The following ATP8B1 variants were observed in gnomAD, a reference collection of about 807,000 sequenced individuals.
ATP8B1 encodes the protein ATPase phospholipid transporting 8B1.
In ATP8B1, 80 loss-of-function variants were observed where a neutral mutation model predicts 149.9. That is an observed-to-expected ratio of 0.53 (90% CI 0.45 to 0.64). The LOEUF is 0.64. Ranked by LOEUF, ATP8B1 falls within the 30% of genes least tolerant of loss-of-function variation. The pLI is 0.00. For missense variants in ATP8B1, 1,247 were observed against 1,552.6 expected (o/e 0.80, Z 3.31); for synonymous variants, 536 against 562.8 (o/e 0.95, Z 0.67).
In ATP8B1 at chr18:57,669,359, C is replaced by T. The variant is rs1408877578; in HGVS notation, c.2056G>A (p.Ala686Thr). The T allele has an allele frequency of 6.2e-7, 1 of 1,613,586 alleles. No homozygotes were observed. Among genetic ancestry groups the T allele is most frequent in the South Asian group, 1.1e-5 (1 of 90,870 alleles). Reference protein sequence around the residue: ...ASVASTNRDEALDKVYEEIEK... With the variant: ...ASVASTNRDETLDKVYEEIEK... ...ATCTCCTCATATACTTTATCCAGAG[C>T]TTCGTCCCGGTTGGTGGAGGCCACA... The change falls in exon 18 of 28, where the codon GCT becomes ACT. Residue 686 changes from alanine to threonine, a missense_variant. Around this residue, in one of 3 missense-constraint regions of ATP8B1, gnomAD observed 853 missense variants for 1,035.7 expected, o/e 0.82. Transcript: ENST00000648908.
chr18:57,667,359 G>T, intron 19 of ATP8B1, 192 bp from the exon 20 acceptor site: 3 of 574,428 alleles, frequency 5.2e-6, no homozygotes, highest in Non-Finnish European at 9.3e-6. Context: ...CCCCCAAGTA[G>T]CTGGGACTAC....
At chr18:57,729,768 C>T (rs1299727612) in intron 2 of ATP8B1, among the ~76,000 whole-genome samples, 4 of 151,924 alleles carry the variant, frequency 2.6e-5, no homozygotes, top group Non-Finnish European at 5.9e-5. Flanking sequence ...TCTGGCTGGT[C>T]TTGAACTCCT....
chr18:57,762,338 CA>C, intron 1 of ATP8B1, among the ~76,000 whole-genome samples: 1 of 152,092 alleles, frequency 6.6e-6, no homozygotes, highest in South Asian at 2.1e-4. Flanking sequence ...AGGGTTTCAC[CA>C]TGTTGGCCAG....
At chr18:57,780,503 G>A (rs2080347272) in intron 1 of ATP8B1, among the ~76,000 whole-genome samples, 1 of 152,210 alleles carries the variant, frequency 6.6e-6, no homozygotes, top group African/African-American at 2.4e-5. Context: ...CTGGGTGAGG[G>A]GGTGTGGAGA....
intron 1 of ATP8B1, among the ~76,000 whole-genome samples, chr18:57,795,940 G>A (rs1185309076): frequency 6.6e-6 from 1 of 151,710 alleles, no homozygotes; most frequent in Non-Finnish European, 1.5e-5. Flanking sequence ...AGGCTAAGGT[G>A]GGCAGATCAC....
Position 57,765,322 on chromosome 18 carries a change from C to T in ATP8B1, c.-25-33490G>A, listed in dbSNP as rs757856266. Among the ~76,000 whole-genome samples the T allele has an allele frequency of 4.5e-4, 68 of 152,184 alleles. 1 individual carries two copies. The highest frequency in any genetic ancestry group is 5.2e-4 in the Admixed American group (8 of 15,268). ...GAGAAGAACTTCTGGAGGTGGATGGCGGTGATGGCTGCACAACCATGTGAA... is the reference window on the plus strand; with the variant it reads ...GAGAAGAACTTCTGGAGGTGGATGGTGGTGATGGCTGCACAACCATGTGAA... On this transcript the variant is annotated intron_variant, in intron 1 of 27. Transcript: ENST00000648908.
chr18:57,787,432 C>A (rs1303059597), intron 1 of ATP8B1, among the ~76,000 whole-genome samples: 1 of 135,328 alleles, frequency 7.4e-6, no homozygotes, highest in Non-Finnish European at 1.7e-5. Context: ...TAGAACACTG[C>A]GGGAGGAGCT....
At chr18:57,747,759 CA>C (rs1384847615) in intron 1 of ATP8B1, among the ~76,000 whole-genome samples, 1 of 152,190 alleles carries the variant, frequency 6.6e-6, no homozygotes, top group East Asian at 1.9e-4. Flanking sequence ...CCTCTCATTC[CA>C]TCTGAAGGTT....
rs909589485 is a variant in ATP8B1, at chr18:57,666,974, AC to A, written c.2285+117del. On this transcript the variant is annotated intron_variant, in intron 20 of 27. Transcript: ENST00000648908. ...TCTTGCCTCATTTAAACATGAGGAA[AC>A]TGCCCCAAGTGACACATCGTAACCC... 13 of 891,072 alleles carry A rather than the reference AC, an allele frequency of 1.5e-5. No individual in the cohort carries two copies. In the African/African-American group the frequency reaches 2.2e-4, roughly 15 times the overall value. 55.2% of individuals were successfully genotyped at this position (891,072 alleles called of 1,614,324 possible). A position where few individuals can be genotyped will look rare whatever the true frequency, so the allele number is the denominator to read the frequency against.
chr18:57,654,022 C>T lies in ATP8B1; in HGVS notation c.2985G>A (p.Leu995=). 6.2e-7 allele frequency: 1 copy of T among 1,614,062 alleles called. No individual in the cohort carries two copies. The highest frequency in any genetic ancestry group is 8.5e-7 in the Non-Finnish European group (1 of 1,179,996). Residue 995 remains leucine (L), a synonymous_variant, in exon 24 of 28, where the codon CTG becomes CTA. Transcript: ENST00000648908. Reference sequence around the variant, plus strand: ...CGAGCAGCCCCATGAGGAGCACGGGCAGGCTGGTGTACAGCACGTTGTAGA... The same window carrying T: ...CGAGCAGCCCCATGAGGAGCACGGGTAGGCTGGTGTACAGCACGTTGTAGA... ...ITLYNVLYTS[L]PVLLMGLLDQ...
At chr18:57,758,017 T>C (rs1264419393) in intron 1 of ATP8B1, among the ~76,000 whole-genome samples, 1 of 151,996 alleles carries the variant, frequency 6.6e-6, no homozygotes, top group South Asian at 2.1e-4. Context: ...AAATATAACT[T>C]AAAAAAATAG....
intron 6 of ATP8B1, 78 bp downstream of exon 6, chr18:57,700,961 A>G: frequency 7.1e-7 from 1 of 1,399,288 alleles, no homozygotes; most frequent in African/African-American, 1.4e-5. Flanking sequence ...CTACATTGTA[A>G]TAATTATCTC....
intron 2 of ATP8B1, among the ~76,000 whole-genome samples, chr18:57,715,090 A>G (rs2079571822): frequency 6.6e-6 from 1 of 152,240 alleles, no homozygotes; most frequent in Admixed American, 6.5e-5. Context: ...GATAAACTTA[A>G]CAAAGAGGAA....
intron 3 of ATP8B1, among the ~76,000 whole-genome samples, chr18:57,706,018 C>G (rs1303932646): frequency 6.6e-6 from 1 of 152,212 alleles, no homozygotes; most frequent in Non-Finnish European, 1.5e-5. Flanking sequence ...CATGCCACCA[C>G]TCCAGGCTAA....
chr18:57,783,751 G>A (rs112982744), intron 1 of ATP8B1, among the ~76,000 whole-genome samples: 53 of 152,192 alleles, frequency 3.5e-4, no homozygotes, highest in African/African-American at 1.2e-3. Flanking sequence ...CAGGAAAATT[G>A]CTTGAACTGG....
At chr18:57,716,536 A>G (rs900730740) in intron 2 of ATP8B1, among the ~76,000 whole-genome samples, 4 of 152,216 alleles carry the variant, frequency 2.6e-5, no homozygotes, top group African/African-American at 9.6e-5. Context: ...CAGGATACCT[A>G]TATTTATATC....
chr18:57,742,299 G>T (rs1413589257), intron 1 of ATP8B1, among the ~76,000 whole-genome samples: 1 of 152,172 alleles, frequency 6.6e-6, no homozygotes, highest in African/African-American at 2.4e-5. Context: ...TACTGTTATA[G>T]AAACAGCGTA....
chr18:57,793,049 C>T (rs1366924457), intron 1 of ATP8B1, among the ~76,000 whole-genome samples: 1 of 152,232 alleles, frequency 6.6e-6, no homozygotes, highest in Non-Finnish European at 1.5e-5. Context: ...ACAAAGTTCT[C>T]TGAACCAAAG....
intron 1 of ATP8B1, among the ~76,000 whole-genome samples, chr18:57,752,243 T>TAATAATAAA (rs386387818): frequency 2.0e-5 from 3 of 149,708 alleles, no homozygotes; most frequent in South Asian, 2.1e-4. Context: ...ATAATAATAA[T>TAATAATAAA]AAATGATAAT....
Sources: allele counts gnomAD v4.1 joint callset (sites outside exome capture counted in the v4.1 genomes callset), GRCh38; gene constraint gnomAD v4.1.1; regional missense constraint gnomAD v4.1.1; transcripts MANE v1.5; gene names NCBI Gene and HGNC (gene_info 2026-07-23, HGNC 2026-07-21).